Variants in RFX7 observed in about 807,000 individuals in gnomAD.
RFX7 encodes the protein DNA-binding protein RFX7.
Under a neutral mutation model 111.8 loss-of-function variants are expected in RFX7, and 26 were observed. The observed-to-expected ratio is 0.23, with a 90% CI of 0.17 to 0.32. The LOEUF (loss-of-function observed/expected upper bound fraction) is 0.32. Among genes scored for constraint, RFX7 ranks in the 10% least tolerant of loss-of-function variants. The pLI, the probability that RFX7 is intolerant of heterozygous loss-of-function variation, is 1.00. For missense variants in RFX7, 1,573 were observed against 1,772.9 expected, an observed-to-expected ratio of 0.89 and a Z score of 2.02; for synonymous variants, 624 against 624.4, an observed-to-expected ratio of 1.00 and a Z score of 0.01.
chr15:56,147,490 G>C (rs1203664459), intron 3 of RFX7, among the ~76,000 whole-genome samples: 26 of 152,172 alleles, frequency 1.7e-4, no homozygotes, highest in Admixed American at 1.7e-3. Context: ...ACTAGATTCA[G>C]ATGGTACTTG....
chr15:56,111,621 G>A (rs1364145822), intron 5 of RFX7, among the ~76,000 whole-genome samples: 3 of 109,352 alleles, frequency 2.7e-5, no homozygotes, highest in South Asian at 6.1e-4. Flanking sequence ...CCCCCTCTGC[G>A]AGAAACACCC....
chr15:56,152,699 G>C (rs1217022382), intron 3 of RFX7, among the ~76,000 whole-genome samples: 1 of 149,302 alleles, frequency 6.7e-6, no homozygotes, highest in African/African-American at 2.5e-5. Flanking sequence ...AAATAACTAA[G>C]ATCAGAGCAG....
At chr15:56,229,425 C>T (rs1199068071) in intron 2 of RFX7, among the ~76,000 whole-genome samples, 1 of 152,112 alleles carries the variant, frequency 6.6e-6, no homozygotes, top group Non-Finnish European at 1.5e-5. Context: ...GCCACCACGC[C>T]TGGTTAATTT....
At chr15:56,221,373 T>C (rs997991050) in intron 2 of RFX7, among the ~76,000 whole-genome samples, 5 of 152,228 alleles carry the variant, frequency 3.3e-5, no homozygotes, top group Non-Finnish European at 7.3e-5. Context: ...TTGTAATTCT[T>C]GTTGTACAGA....
chr15:56,226,010 C>G (rs35607436), intron 2 of RFX7, among the ~76,000 whole-genome samples: 2 of 150,766 alleles, frequency 1.3e-5, no homozygotes, highest in Non-Finnish European at 3.0e-5. Context: ...AAAAAGAGGA[C>G]GGGAAAAGGG....
intron 2 of RFX7, among the ~76,000 whole-genome samples, chr15:56,231,320 ATT>A (rs771519286): frequency 6.6e-6 from 1 of 152,186 alleles, no homozygotes; most frequent in African/African-American, 2.4e-5. Flanking sequence ...AGACTGGGTA[ATT>A]TATAAAGAAA....
At chr15:56,138,941 G>A (rs1370604221) in intron 5 of RFX7, among the ~76,000 whole-genome samples, 2 of 151,998 alleles carry the variant, frequency 1.3e-5, no homozygotes, top group Non-Finnish European at 2.9e-5. Context: ...TTGAATATTG[G>A]CCCCCACTCT....
Position 56,096,095 on chromosome 15 carries a change from A to G in RFX7, c.1633T>C (p.Ser545Pro). The G allele has an allele frequency of 1.2e-6, 2 of 1,613,650 alleles. No homozygotes were observed. Among genetic ancestry groups the G allele is most frequent in the Non-Finnish European group, 1.7e-6 (2 of 1,179,802 alleles). The change falls in exon 10 of 10, where the codon TCA becomes CCA. Residue 545 changes from serine (S) to proline (P), a missense_variant. By Grantham distance (74) the Ser-to-Pro change is moderately conservative. Transcript: ENST00000559447. ...VEVKVEPETSSDEHPVQCQEN... is the reference protein window; with the variant it reads ...VEVKVEPETSPDEHPVQCQEN... The stretch of plus-strand genomic sequence containing the variant: ...TGGCACTGTACAGGATGCTCATCTG[A>G]TGATGTTTCGGGTTCCACTTTGACT...
At position 56,144,386 on chromosome 15, in the gene RFX7, C is replaced by A. The variant is rs1261231155; in HGVS notation, c.278+15G>T. On this transcript the variant is annotated intron_variant, in intron 4 of 9. Coordinates refer to ENST00000559447, the MANE Select transcript of RFX7 (RefSeq NM_022841.7). Reference sequence around the variant, plus strand: ...ATAAACAGCATAATTATAGCAAAGACAAGAATAGATATACCTTTTCTCTCC... The same window carrying A: ...ATAAACAGCATAATTATAGCAAAGAAAAGAATAGATATACCTTTTCTCTCC... 7.6e-7 allele frequency: 1 copy of A among 1,315,900 alleles called. No homozygotes were observed. The highest frequency in any genetic ancestry group is 1.2e-5 in the South Asian group (1 of 86,352). The allele number at this position is 1,315,900 out of a possible 1,614,324, so 81.5% of individuals were successfully genotyped here. A position where few individuals can be genotyped will look rare whatever the true frequency, so the allele number is the denominator to read the frequency against.
At position 56,243,775 on chromosome 15, in the gene RFX7, G is replaced by A. The variant is rs2043755238; in HGVS notation, c.-333C>T. On this transcript the variant is annotated 5_prime_UTR_variant, in exon 1 of 10. Transcript: ENST00000559447. ...GCTGCAGCCCCAGGCACCGCTCCAC[G>A]CCACTCCCCACGCCGCCGCCGCCGC... Among the ~76,000 whole-genome samples, 1 of 149,300 alleles carries A rather than the reference G, an allele frequency of 6.7e-6. No individual in the cohort carries two copies. Among genetic ancestry groups the A allele is most frequent in the Non-Finnish European group, 1.5e-5 (1 of 67,024 alleles).
chr15:56,225,137 C>T (rs1348410805), intron 2 of RFX7, among the ~76,000 whole-genome samples: 2 of 152,136 alleles, frequency 1.3e-5, no homozygotes, highest in Non-Finnish European at 2.9e-5. Context: ...GGATGAACAA[C>T]TGTAGTCCAA....
intron 2 of RFX7, among the ~76,000 whole-genome samples, chr15:56,182,212 C>G (rs1174825955): frequency 1.3e-5 from 2 of 152,042 alleles, no homozygotes; most frequent in Non-Finnish European, 2.9e-5. Context: ...AACCATCTCC[C>G]CCACCCCTCC....
intron 3 of RFX7, among the ~76,000 whole-genome samples, chr15:56,149,127 C>T (rs181959022): frequency 2.5e-4 from 38 of 151,716 alleles, no homozygotes; most frequent in African/African-American, 8.7e-4. Flanking sequence ...CATCCCATTT[C>T]CCCCTCTGTG....
chr15:56,239,291 G>A (rs1277656111), intron 2 of RFX7, among the ~76,000 whole-genome samples: 3 of 150,400 alleles, frequency 2.0e-5, no homozygotes, highest in East Asian at 2.0e-4. Flanking sequence ...TTTTTTTAAC[G>A]GAGTTTTGCT....
In RFX7 at chr15:56,243,499, G is replaced by A; in HGVS notation, c.-57C>T. On this transcript the variant is annotated 5_prime_UTR_variant, in exon 1 of 10. Transcript: ENST00000559447. ...GCCGCCTGGGGAACATCACCGGGGAGACCAGCGGCTCCTCACGGCCGGGGC... is the reference window on the plus strand; with the variant it reads ...GCCGCCTGGGGAACATCACCGGGGAAACCAGCGGCTCCTCACGGCCGGGGC... 2.0e-6 allele frequency: 2 copies of A among 984,994 alleles called. No homozygotes were observed. The highest frequency in any genetic ancestry group is 4.7e-5 in the South Asian group (1 of 21,268). 61.0% of individuals were successfully genotyped at this position (984,994 alleles called of 1,614,324 possible). A position where few individuals can be genotyped will look rare whatever the true frequency, so the allele number is the denominator to read the frequency against.
chr15:56,123,400 C>T (rs565191203), intron 5 of RFX7, among the ~76,000 whole-genome samples: 19 of 152,248 alleles, frequency 1.2e-4, no homozygotes, highest in Non-Finnish European at 2.6e-4. Context: ...AAGACTCTGC[C>T]CGGTACCCTA....
chr15:56,137,256 T>C (rs1197965402), intron 5 of RFX7, among the ~76,000 whole-genome samples: 3 of 152,138 alleles, frequency 2.0e-5, no homozygotes, highest in Non-Finnish European at 4.4e-5. Context: ...GGACTCTTTT[T>C]GGTTGGTAAG....
intron 2 of RFX7, chr15:56,192,351 A>G (rs1324303902): frequency 4.4e-6 from 1 of 228,778 alleles, no homozygotes; most frequent in Non-Finnish European, 9.4e-6. Context: ...TGAGCATCAC[A>G]TGTATTTGTA....
chr15:56,103,015 C>T (rs1236652831), intron 6 of RFX7, among the ~76,000 whole-genome samples: 1 of 151,986 alleles, frequency 6.6e-6, no homozygotes, highest in Non-Finnish European at 1.5e-5. Context: ...AGTATTTCTC[C>T]ATCACAAGAA....
Sources: allele counts gnomAD v4.1 joint callset (sites outside exome capture counted in the v4.1 genomes callset), GRCh38; gene constraint gnomAD v4.1.1; transcripts MANE v1.5; gene names NCBI Gene and HGNC (gene_info 2026-07-23, HGNC 2026-07-21).